The following SIAE variants were observed in gnomAD, a reference collection of about 807,000 sequenced individuals.
SIAE encodes sialic acid acetylesterase.
A neutral mutation model predicts 52.6 loss-of-function variants in SIAE; 39 were observed. The observed-to-expected ratio is 0.74, with a 90% CI of 0.57 to 0.97. SIAE has a LOEUF of 0.97. Among genes scored for constraint, SIAE ranks in the 50% least tolerant of loss-of-function variants. SIAE has a pLI of 0.00. For missense variants in SIAE, 592 were observed against 662.1 expected, an observed-to-expected ratio of 0.89 and a Z score of 1.16; for synonymous variants, 233 against 241.4, an observed-to-expected ratio of 0.97 and a Z score of 0.32.
At chr11:124,637,326 T>G (rs2134349672) in intron 9 of SIAE, 124 bp from the exon 10 acceptor site, 1 of 1,383,310 alleles carries the variant, frequency 7.2e-7, no homozygotes, top group Middle Eastern at 2.0e-4. Flanking sequence ...GACCTACTCC[T>G]ACAGTAAGCA....
chr11:124,637,156 A>C lies in SIAE; in HGVS notation c.1367T>G (p.Met456Arg), dbSNP rs201702369. The C allele has an allele frequency of 1.1e-5, 18 of 1,614,216 alleles. No individual in the cohort carries two copies. The African/African-American group carries it at 1.5e-4, about 13-fold the overall frequency. ...CAGGGACTGGGTGGAGACGGTGTTC[A>C]TAGAAGCTGGAAGCCACTTGCATCG... ...DHRCKWLPAS[M>R]NTVSTQSLTL... Residue 456 changes from methionine to arginine, a missense_variant, in exon 10 of 10, where the codon ATG becomes AGG. Physicochemically the swap from Met to Arg is moderately conservative, Grantham distance 91. Transcript: ENST00000263593.
chr11:124,638,785 T>C (rs771326513), intron 8 of SIAE, 48 bp from the exon 9 acceptor site: 2 of 1,474,724 alleles, frequency 1.4e-6, no homozygotes, highest in Non-Finnish European at 1.9e-6. Context: ...AGCTCAACAA[T>C]CACCACATTT....
Position 124,639,832 on chromosome 11 carries a change from A to G in SIAE, c.1002T>C (p.Asp334=), listed in dbSNP as rs750429586. ...GATGCCAACGGATCTGGGGAAATCC[A>G]TCGTCTGAGCTCTTCTTAGACAAAT... ...SSDLSKKSSD[D]GFPQIRWHQT... is the part of the protein sequence containing the mutation. Residue 334 remains aspartate (D), a synonymous_variant, in exon 8 of 10, where the codon GAT becomes GAC. Coordinates refer to ENST00000263593, the MANE Select transcript of SIAE (RefSeq NM_170601.5). 5.0e-6 allele frequency: 8 copies of G among 1,614,258 alleles called. No individual in the cohort carries two copies. Among genetic ancestry groups the G allele is most frequent in the Non-Finnish European group, 5.9e-6 (7 of 1,180,046 alleles).
chr11:124,641,609 G>C (rs1472489242), intron 7 of SIAE, among the ~76,000 whole-genome samples: 1 of 152,152 alleles, frequency 6.6e-6, no homozygotes, highest in Non-Finnish European at 1.5e-5. Context: ...TTACTGACAT[G>C]ATCAAAGGAC....
Position 124,636,611 on chromosome 11 carries a change from C to T in SIAE, c.*340G>A, listed in dbSNP as rs1942746653. 1 of 331,502 alleles carries T rather than the reference C, an allele frequency of 3.0e-6. No homozygotes were observed. Among genetic ancestry groups the T allele is most frequent in the Admixed American group, 4.1e-5 (1 of 24,344 alleles). The allele number at this position is 331,502 out of a possible 1,614,324, so 20.5% of individuals were successfully genotyped here. A position where few individuals can be genotyped will look rare whatever the true frequency, so the allele number is the denominator to read the frequency against. Reference sequence around the variant, plus strand: ...GTGGCCTTTAAAATCTCTTCCAATCCTGAGATTCCCACAACTCTGGATAAA... The same window carrying T: ...GTGGCCTTTAAAATCTCTTCCAATCTTGAGATTCCCACAACTCTGGATAAA... On this transcript the variant is annotated 3_prime_UTR_variant, in exon 10 of 10. Coordinates refer to ENST00000263593, the MANE Select transcript of SIAE (RefSeq NM_170601.5).
intron 2 of SIAE, among the ~76,000 whole-genome samples, chr11:124,668,278 G>C (rs1485014796): frequency 6.6e-6 from 1 of 152,118 alleles, no homozygotes; most frequent in Non-Finnish European, 1.5e-5. Context: ...ATGAGCCTCA[G>C]ACTACGTAAT....
intron 3 of SIAE, among the ~76,000 whole-genome samples, chr11:124,655,928 G>C (rs1591390948): frequency 6.6e-6 from 1 of 152,122 alleles, no homozygotes; most frequent in South Asian, 2.1e-4. Flanking sequence ...CAAAATTTTT[G>C]GTGTGCCAAC....
At chr11:124,668,517 A>T (rs903902237) in intron 2 of SIAE, among the ~76,000 whole-genome samples, 1 of 152,250 alleles carries the variant, frequency 6.6e-6, no homozygotes, top group Non-Finnish European at 1.5e-5. Context: ...TAATAATAGT[A>T]ATAGTTACAA....
chr11:124,671,662 G>C (rs1943358552), intron 1 of SIAE, among the ~76,000 whole-genome samples: 1 of 152,188 alleles, frequency 6.6e-6, no homozygotes. Context: ...TCAAGGAATT[G>C]TGCAATGGAC....
intron 6 of SIAE, 129 bp from the exon 7 acceptor site, chr11:124,647,627 C>T (rs1472819765): frequency 1.7e-6 from 2 of 1,147,690 alleles, no homozygotes; most frequent in African/African-American, 1.5e-5. Context: ...GGTCTTTTTC[C>T]AGCCAGTGGG....
At chr11:124,661,067 A>C (rs1488629433) in intron 2 of SIAE, among the ~76,000 whole-genome samples, 1 of 152,244 alleles carries the variant, frequency 6.6e-6, no homozygotes, top group Admixed American at 6.5e-5. Context: ...ATGAGGATAG[A>C]CAAAAATACA....
Position 124,673,632 on chromosome 11 carries a change from G to GCCGCCTCACCTGCACTTCTGTCGGC in SIAE, c.52_67+9dup. On this transcript the variant is annotated intron_variant, in intron 1 of 9. Coordinates refer to ENST00000263593, the MANE Select transcript of SIAE (RefSeq NM_170601.5). ...AGGGGCAGGGGTCCGGCCGAGCCGG[G>GCCGCCTCACCTGCACTTCTGTCGGC]CCGCCTCACCTGCACTTCTGTCGGC... The GCCGCCTCACCTGCACTTCTGTCGGC allele has an allele frequency of 1.9e-6, 3 of 1,612,404 alleles. No homozygotes were observed. The highest frequency in any genetic ancestry group is 2.5e-6 in the Non-Finnish European group (3 of 1,179,406).
intron 4 of SIAE, chr11:124,654,131 T>A: frequency 1.3e-6 from 1 of 771,942 alleles, no homozygotes; most frequent in Non-Finnish European, 1.6e-6. Flanking sequence ...TGAGCCAAGA[T>A]CACACCACTG....
chr11:124,637,781 C>A (rs1296910046), intron 9 of SIAE, among the ~76,000 whole-genome samples: 4 of 152,180 alleles, frequency 2.6e-5, no homozygotes, highest in Admixed American at 2.6e-4. Flanking sequence ...TAAGTGCCAA[C>A]CAAGCATCTG....
At chr11:124,655,638 C>A (rs1943087435) in intron 3 of SIAE, among the ~76,000 whole-genome samples, 1 of 152,068 alleles carries the variant, frequency 6.6e-6, no homozygotes, top group South Asian at 2.1e-4. Context: ...AGTACTGAAA[C>A]ATACTGGAAT....
chr11:124,650,265 A>T lies in SIAE; in HGVS notation c.545-469T>A, dbSNP rs1390082185. On this transcript the variant is annotated intron_variant, in intron 4 of 9. Transcript: ENST00000263593. ...CCCCATGCTTCCCATCACTTACAGG[A>T]TCTGCAGACTCTCGGATAATCAATG... Among the ~76,000 whole-genome samples, 6 of 152,114 alleles carry T rather than the reference A, an allele frequency of 3.9e-5. No homozygotes were observed. In the East Asian group the frequency reaches 1.2e-3, roughly 29 times the overall value.
Position 124,634,202 on chromosome 11 carries a change from C to G in SIAE, c.*2749G>C, listed in dbSNP as rs1291691872. ...ACAAAAAATTAGCCAGGCGTGGTGG[C>G]ACGCGCCTGTAGTCCCAGCTACTCG... On this transcript the variant is annotated 3_prime_UTR_variant, in exon 10 of 10. Transcript: ENST00000263593. 2 of 152,204 alleles carry G rather than the reference C, an allele frequency of 1.3e-5. No individual in the cohort carries two copies. The highest frequency in any genetic ancestry group is 4.8e-5 in the African/African-American group (2 of 41,422). The allele number at this position is 152,204 out of a possible 1,614,324, so 9.4% of individuals were successfully genotyped here.
chr11:124,658,481 G>C (rs1329690959), intron 3 of SIAE, among the ~76,000 whole-genome samples: 2 of 152,092 alleles, frequency 1.3e-5, no homozygotes, highest in African/African-American at 2.4e-5. Flanking sequence ...GGAGTTCTGA[G>C]ATATTGAAAA....
upstream of SIAE, chr11:124,673,798 T>G: frequency 6.8e-7 from 1 of 1,460,358 alleles, no homozygotes. Context: ...GACTCCACCC[T>G]TTTGCAGTCC....
Sources: gnomAD v4.1 joint callset for allele counts (sites outside exome capture counted in the v4.1 genomes callset) on GRCh38, gnomAD v4.1.1 for gene constraint, MANE v1.5 for transcripts, NCBI Gene and HGNC (gene_info 2026-07-23, HGNC 2026-07-21) for gene names.